MAP2K6: variants seen among roughly 807,000 people sequenced by gnomAD.
The protein encoded by MAP2K6 is mitogen-activated protein kinase kinase 6.
Under a neutral mutation model 53.7 loss-of-function variants are expected in MAP2K6, and 16 were observed. The observed-to-expected ratio is 0.30, with a 90% CI of 0.20 to 0.45. MAP2K6 has a LOEUF of 0.45. Ranked by LOEUF, MAP2K6 falls within the 20% of genes least tolerant of loss-of-function variation. The pLI is 1.00. For synonymous variants in MAP2K6, 132 were observed against 143.1 expected (o/e 0.92, Z 0.55); for missense variants, 204 against 411.9 (o/e 0.50, Z 4.37).
rs1030823381 is a variant in MAP2K6 at position 69,548,697 on chromosome 17, A to C, written c.*6944A>C. 1 of 152,218 alleles carries C rather than the reference A, an allele frequency of 6.6e-6. No homozygotes were observed. The highest frequency in any genetic ancestry group is 2.4e-5 in the African/African-American group (1 of 41,448). 9.4% of individuals were successfully genotyped at this position (152,218 alleles called of 1,614,324 possible). A position where few individuals can be genotyped will look rare whatever the true frequency, so the allele number is the denominator to read the frequency against. On this transcript the variant is annotated 3_prime_UTR_variant, in exon 12 of 12. Coordinates refer to ENST00000590474, the MANE Select transcript of MAP2K6 (RefSeq NM_002758.4). ...ATCCTTCCAGGGGAAGCACATTGCC[A>C]CCAAATACATCACTCACTACCTGTT...
At chr17:69,432,465 A>G (rs1005553037) in intron 1 of MAP2K6, among the ~76,000 whole-genome samples, 2 of 152,200 alleles carry the variant, frequency 1.3e-5, no homozygotes, top group Non-Finnish European at 2.9e-5. Context: ...TGGAATAACT[A>G]TGCAGCCATA....
At chr17:69,464,351 T>A (rs1271833831) in intron 1 of MAP2K6, among the ~76,000 whole-genome samples, 1 of 152,282 alleles carries the variant, frequency 6.6e-6, no homozygotes. Context: ...AAACACTCAC[T>A]ACTTATTTTT....
intron 1 of MAP2K6, among the ~76,000 whole-genome samples, chr17:69,463,940 A>C (rs1322539049): frequency 6.7e-6 from 1 of 150,328 alleles, no homozygotes; most frequent in African/African-American, 2.4e-5. Flanking sequence ...AATCGCTTGA[A>C]CCTGGGAGGC....
chr17:69,502,685 G>C (rs1232703296), intron 1 of MAP2K6: 53 of 985,376 alleles, frequency 5.4e-5, no homozygotes, highest in Non-Finnish European at 6.4e-5. Flanking sequence ...GTAAATTCAG[G>C]GTAAGAATGA....
At chr17:69,456,033 G>A (rs540984743) in intron 1 of MAP2K6, among the ~76,000 whole-genome samples, 19 of 152,014 alleles carry the variant, frequency 1.2e-4, no homozygotes, top group African/African-American at 4.6e-4. Flanking sequence ...GCTAATTTTT[G>A]TATTTTTAAT....
At chr17:69,536,290 G>T in intron 11 of MAP2K6, 130 bp downstream of exon 11, 1 of 700,792 alleles carries the variant, frequency 1.4e-6, no homozygotes. Context: ...GACAGGAATT[G>T]AACTCCAGGA....
At chr17:69,449,565 CTTTCTTTCTTTCTTTCTTTCTTTCTT>C (rs1907123538) in intron 1 of MAP2K6, among the ~76,000 whole-genome samples, 9 of 94,376 alleles carry the variant, frequency 9.5e-5, no homozygotes, top group Middle Eastern at 5.0e-3. Flanking sequence ...TTCTTTATTT[CTTTCTTTCTTTCTTTCTTTCTTTCTT>C]TTTCTTTCTT....
rs191473146 is a variant in MAP2K6 at position 69,472,251 on chromosome 17, C to T, written c.17-33529C>T. On this transcript the variant is annotated intron_variant, in intron 1 of 11. Coordinates refer to ENST00000590474, the MANE Select transcript of MAP2K6 (RefSeq NM_002758.4). The stretch of plus-strand genomic sequence containing the variant: ...AGCACCATACTCCCTGTTACAAGGC[C>T]GCACATGTACCCCCGAATCTAAAAA... 7.8e-4 allele frequency among the ~76,000 whole-genome samples: 119 copies of T among 152,090 alleles called. 1 individual carries two copies. Among genetic ancestry groups the T allele is most frequent in the Admixed American group, 1.0e-3 (16 of 15,272 alleles).
intron 1 of MAP2K6, among the ~76,000 whole-genome samples, chr17:69,468,927 A>C (rs570102623): frequency 3.9e-4 from 60 of 152,372 alleles, no homozygotes; most frequent in African/African-American, 1.3e-3. Context: ...ATTGGTTTCA[A>C]AGAACTGAAC....
intron 4 of MAP2K6, 122 bp downstream of exon 4, chr17:69,517,735 T>G (rs772272382): frequency 7.7e-4 from 396 of 515,424 alleles, no homozygotes; most frequent in Non-Finnish European, 9.4e-4. Flanking sequence ...CAGAAAAGAT[T>G]ATTTGCAGGG....
At chr17:69,475,120 C>T (rs1193296115) in intron 1 of MAP2K6, among the ~76,000 whole-genome samples, 1 of 151,050 alleles carries the variant, frequency 6.6e-6, no homozygotes, top group African/African-American at 2.4e-5. Context: ...GGTTTAAGTT[C>T]CTGGAAACCT....
At chr17:69,505,442 CAA>C (rs33993512) in intron 1 of MAP2K6, 20,248 of 115,354 alleles carry the variant, frequency 0.18, 677 homozygotes, top group Non-Finnish European at 0.21. Context: ...GACTCTGTCT[CAA>C]AAAAAAAAAA....
chr17:69,524,527 A>G (rs1910660292), intron 8 of MAP2K6, among the ~76,000 whole-genome samples: 1 of 151,808 alleles, frequency 6.6e-6, no homozygotes, highest in African/African-American at 2.4e-5. Context: ...GTCTATTAGC[A>G]TGGGACAGTA....
chr17:69,474,726 G>T (rs1032107817), intron 1 of MAP2K6, among the ~76,000 whole-genome samples: 3 of 152,320 alleles, frequency 2.0e-5, no homozygotes, highest in African/African-American at 7.2e-5. Context: ...TGCATTTGGG[G>T]CCAATGGGAT....
At position 69,420,020 on chromosome 17, in the gene MAP2K6, C is replaced by A. The variant is rs1001800937; in HGVS notation, c.16+5020C>A. Among the ~76,000 whole-genome samples, 11 of 152,072 alleles carry A rather than the reference C, an allele frequency of 7.2e-5. No homozygotes were observed. In the East Asian group the frequency reaches 2.1e-3, roughly 29 times the overall value. On this transcript the variant is annotated intron_variant, in intron 1 of 11. Transcript: ENST00000590474. ...GTAATCCTGGATTGATAGTTGGGTT[C>A]TGTGTATCTAAACAATTTAATTCCT...
chr17:69,535,999 GT>G, intron 10 of MAP2K6, 115 bp from the exon 11 acceptor site: 1 of 693,430 alleles, frequency 1.4e-6, no homozygotes, highest in Non-Finnish European at 2.6e-6. Flanking sequence ...AGGAGGCTGT[GT>G]TTTCAATACA....
At chr17:69,422,439 C>A (rs562774834) in intron 1 of MAP2K6, among the ~76,000 whole-genome samples, 10 of 152,244 alleles carry the variant, frequency 6.6e-5, no homozygotes, top group African/African-American at 2.2e-4. Context: ...GCCAAATCAT[C>A]GTAATTTAGT....
At chr17:69,472,753 C>T (rs1179200242) in intron 1 of MAP2K6, among the ~76,000 whole-genome samples, 1 of 152,166 alleles carries the variant, frequency 6.6e-6, no homozygotes, top group Non-Finnish European at 1.5e-5. Context: ...GGCTGGGGTA[C>T]AGTGGTATGG....
intron 1 of MAP2K6, among the ~76,000 whole-genome samples, chr17:69,495,926 A>G (rs1177998543): frequency 6.6e-6 from 1 of 152,100 alleles, no homozygotes; most frequent in Non-Finnish European, 1.5e-5. Flanking sequence ...AAGGAGATGA[A>G]CCGAGACAGT....
Sources: allele counts gnomAD v4.1 joint callset (sites outside exome capture counted in the v4.1 genomes callset), GRCh38; gene constraint gnomAD v4.1.1; transcripts MANE v1.5; gene names NCBI Gene and HGNC (gene_info 2026-07-23, HGNC 2026-07-21).